TGM3: variants seen among roughly 807,000 people sequenced by gnomAD.
The protein encoded by TGM3 is transglutaminase 3.
A neutral mutation model predicts 73.8 loss-of-function variants in TGM3; 52 were observed. That is an observed-to-expected ratio of 0.70 (90% CI 0.56 to 0.89). The LOEUF is 0.89. TGM3 is among the 40% of genes least tolerant of loss of function. The pLI, the probability that TGM3 is intolerant of heterozygous loss-of-function variation, is 0.00. For synonymous variants in TGM3, 372 were observed against 354.9 expected, an observed-to-expected ratio of 1.05 and a Z score of -0.54; for missense variants, 928 against 909.9, an observed-to-expected ratio of 1.02 and a Z score of -0.26.
intron 4 of TGM3, among the ~76,000 whole-genome samples, chr20:2,312,400 A>C (rs1246801427): frequency 5.4e-5 from 8 of 148,412 alleles, no homozygotes; most frequent in African/African-American, 2.0e-4. Flanking sequence ...CCGTCTCAAA[A>C]AAAAAAAAAA....
Position 2,340,767 on chromosome 20 carries a change from C to T in TGM3, c.*186C>T. The T allele has an allele frequency of 3.8e-6, 3 of 783,744 alleles. No homozygotes were observed. The East Asian group carries it at 8.1e-5, about 21-fold the overall frequency. 48.5% of individuals were successfully genotyped at this position (783,744 alleles called of 1,614,324 possible). ...CTCCCCCAGGTTGGGGCTGGGTCCA[C>T]CCTGTCCTATGACTTGATCACTTTT... On this transcript the variant is annotated 3_prime_UTR_variant, in exon 13 of 13. Transcript: ENST00000381458.
In TGM3 at chr20:2,334,659, T is replaced by C. The variant is rs13037722; in HGVS notation, c.1643-457T>C. ...CTTCCACTGCCCCTCAGAAGGACAC[T>C]TGTGGCTGGGAGCAGTGCTCACGCC... On this transcript the variant is annotated intron_variant, in intron 10 of 12. Transcript: ENST00000381458. The surrounding 1 kb of genome is among the most constrained non-coding windows in gnomAD (Gnocchi z 4.0). Among the ~76,000 whole-genome samples, 8,633 of 152,250 alleles carry C rather than the reference T, an allele frequency of 0.057. 342 individuals carry two copies. The highest frequency in any genetic ancestry group is 0.087 in the Non-Finnish European group (5,943 of 68,014).
At chr20:2,310,858 G>A (rs892903351) in intron 3 of TGM3, among the ~76,000 whole-genome samples, 153 bp from the exon 4 acceptor site, 4 of 152,186 alleles carry the variant, frequency 2.6e-5, no homozygotes, top group Non-Finnish European at 4.4e-5. Context: ...CACAATTGGA[G>A]TTGGAAGAGT....
Position 2,325,857 on chromosome 20 carries a change from A to G in TGM3, c.992A>G (p.His331Arg). 15 of 1,562,442 alleles carry G rather than the reference A, an allele frequency of 9.6e-6. No individual in the cohort carries two copies. The highest frequency in any genetic ancestry group is 1.3e-5 in the Non-Finnish European group (15 of 1,152,224). ...DKGSDSVWNFHVWNEGWFVRS... is the reference protein window; with the variant it reads ...DKGSDSVWNFRVWNEGWFVRS... ...TCTGGTTCTATCTGCAGGAATTTCC[A>G]TGTCTGGAATGAAGGCTGGTTTGTG... The change falls in exon 8 of 13, where the codon CAT (histidine) becomes CGT (arginine). Residue 331 changes from histidine to arginine, a missense_variant. Coordinates refer to ENST00000381458, the MANE Select transcript of TGM3 (RefSeq NM_003245.4).
rs1244669405 is a variant in TGM3 at position 2,317,924 on chromosome 20, TATATATATATATATATATC to T, written c.983+457_983+475del. On this transcript the variant is annotated intron_variant, in intron 7 of 12. Transcript: ENST00000381458. The stretch of plus-strand genomic sequence containing the variant: ...AAAAGCAACACATCTTCTCTTAGCA[TATATATATATATATATATC>T]ATATATATATATATATACACCTATT... Among the ~76,000 whole-genome samples the T allele has an allele frequency of 3.0e-3, 369 of 123,396 alleles. 4 individuals carry two copies. The highest frequency in any genetic ancestry group is 0.024 in the South Asian group (107 of 4,426). The allele number at this position is 123,396 out of a possible 152,430, so 81.0% of individuals were successfully genotyped here. A position where few individuals can be genotyped will look rare whatever the true frequency, so the allele number is the denominator to read the frequency against.
At chr20:2,340,024 G>GTGCTGAT in intron 12 of TGM3, 37 bp downstream of exon 12, 1 of 1,523,404 alleles carries the variant, frequency 6.6e-7, no homozygotes, top group Non-Finnish European at 8.9e-7. Flanking sequence ...GCAGGAGGGC[G>GTGCTGAT]GGAGGGGGCG....
intron 1 of TGM3, 114 bp from the exon 2 acceptor site, chr20:2,309,543 G>T (rs1258360146): frequency 4.2e-6 from 4 of 960,982 alleles, no homozygotes; most frequent in Middle Eastern, 3.4e-4. Flanking sequence ...CTAGGAATTT[G>T]GCTCTGCCCT....
In TGM3 at chr20:2,317,351, G is replaced by T; in HGVS notation, c.849G>T (p.Ala283=). Residue 283 remains alanine, a splice_region_variant and synonymous_variant, in exon 7 of 13, where the codon GCG becomes GCT. Coordinates refer to ENST00000381458, the MANE Select transcript of TGM3 (RefSeq NM_003245.4). The part of the protein sequence containing the change: ...CWVFAGTLNT[A]LRSLGIPSRV... The stretch of plus-strand genomic sequence containing the variant: ...CCTCACGCCCACCCTGACTTGCAGC[G>T]CTGCGGTCTTTGGGGATTCCTTCCC... The T allele has an allele frequency of 6.2e-7, 1 of 1,614,178 alleles. No homozygotes were observed.
At chr20:2,330,417 G>A (rs986615410) in intron 9 of TGM3, among the ~76,000 whole-genome samples, 15 of 152,190 alleles carry the variant, frequency 9.9e-5, no homozygotes, top group African/African-American at 3.6e-4. Context: ...AGGATGGGAA[G>A]GCATCAAAAG....
chr20:2,331,684 A>G (rs1833614395), intron 9 of TGM3, among the ~76,000 whole-genome samples: 1 of 152,218 alleles, frequency 6.6e-6, no homozygotes, highest in South Asian at 2.1e-4. Flanking sequence ...CACAAAAGAC[A>G]TTTTATCAGA....
intron 11 of TGM3, 128 bp downstream of exon 11, chr20:2,335,401 G>A (rs2084344488): frequency 8.3e-7 from 1 of 1,208,944 alleles, no homozygotes; most frequent in Non-Finnish European, 1.1e-6. Flanking sequence ...TGCTGGGAGG[G>A]GCAGAGAACT....
chr20:2,317,631 T>G lies in TGM3; in HGVS notation c.983+146T>G, dbSNP rs982009425. On this transcript the variant is annotated intron_variant, in intron 7 of 12. Coordinates refer to ENST00000381458, the MANE Select transcript of TGM3 (RefSeq NM_003245.4). The stretch of plus-strand genomic sequence containing the variant: ...GGGTGTAGAATGGAACTGCTGGCAA[T>G]GCTGATTACACACTTAGCAGCACCC... The G allele has an allele frequency of 4.3e-6, 5 of 1,152,870 alleles. No individual in the cohort carries two copies. In the Admixed American group the frequency reaches 1.0e-4, roughly 24 times the overall value. The allele number at this position is 1,152,870 out of a possible 1,614,324, so 71.4% of individuals were successfully genotyped here.
chr20:2,301,485 T>C (rs7265785), intron 1 of TGM3, among the ~76,000 whole-genome samples: 11 of 149,208 alleles, frequency 7.4e-5, no homozygotes, highest in African/African-American at 2.7e-4. Context: ...TTGCCATCCA[T>C]TAGCAGGTTG....
At chr20:2,340,080 T>G in intron 12 of TGM3, 93 bp downstream of exon 12, 3 of 1,455,778 alleles carry the variant, frequency 2.1e-6, no homozygotes, top group Non-Finnish European at 2.8e-6. Context: ...GAGCTCCCTC[T>G]GACCTTGGGT....
Position 2,327,480 on chromosome 20 carries a change from AAAAC to A in TGM3, c.1088-624_1088-621del, listed in dbSNP as rs558397009. Among the ~76,000 whole-genome samples, 10 of 152,338 alleles carry A rather than the reference AAAAC, an allele frequency of 6.6e-5. No homozygotes were observed. In the East Asian group the frequency reaches 9.6e-4, roughly 15 times the overall value. On this transcript the variant is annotated intron_variant, in intron 8 of 12. Coordinates refer to ENST00000381458, the MANE Select transcript of TGM3 (RefSeq NM_003245.4). ...CGACAGAGCACGACTGCATCTCAAA[AAAAC>A]AAACAAACAAACAAAAAAGATATAG...
intron 1 of TGM3, among the ~76,000 whole-genome samples, chr20:2,297,070 G>A (rs1044075209): frequency 6.6e-6 from 1 of 152,144 alleles, no homozygotes; most frequent in Non-Finnish European, 1.5e-5. Context: ...AGCATGGCTG[G>A]GATGCTAAGA....
chr20:2,326,807 C>A (rs2084290460), intron 8 of TGM3, among the ~76,000 whole-genome samples: 1 of 151,940 alleles, frequency 6.6e-6, no homozygotes, highest in African/African-American at 2.4e-5. Context: ...CGAGATCATG[C>A]CGTGGCACTC....
intron 8 of TGM3, among the ~76,000 whole-genome samples, chr20:2,326,503 A>G (rs1482883367): frequency 5.9e-5 from 9 of 152,150 alleles, no homozygotes; most frequent in African/African-American, 2.2e-4. Context: ...TGACCTCTAG[A>G]GCATGACTTG....
Position 2,328,410 on chromosome 20 carries a change from T to A in TGM3, c.1333+45T>A. The A allele has an allele frequency of 6.2e-7, 1 of 1,607,794 alleles. No individual in the cohort carries two copies. The highest frequency in any genetic ancestry group is 8.5e-7 in the Non-Finnish European group (1 of 1,176,024). On this transcript the variant is annotated intron_variant, in intron 9 of 12. Transcript: ENST00000381458. The surrounding 1 kb of genome is among the most constrained non-coding windows in gnomAD (Gnocchi z 5.2). ...GGCAGTGCCGCGAGAGGTTCTATTG[T>A]GGGAGGATGGCTCTGAGGCTGGAGA...
Sources: allele counts gnomAD v4.1 joint callset (sites outside exome capture counted in the v4.1 genomes callset), GRCh38; gene constraint gnomAD v4.1.1; non-coding constraint Gnocchi (gnomAD v3.1); transcripts MANE v1.5; gene names NCBI Gene and HGNC (gene_info 2026-07-23, HGNC 2026-07-21).